The following BEGAIN variants were observed in gnomAD, a reference collection of about 807,000 sequenced individuals.
BEGAIN encodes the protein brain-enriched guanylate kinase-associated protein.
A neutral mutation model predicts 35.8 loss-of-function variants in BEGAIN; 19 were observed. That is an observed-to-expected ratio of 0.53 (90% CI 0.37 to 0.78). The LOEUF is 0.78. BEGAIN is among the 30% of genes least tolerant of loss of function. BEGAIN has a pLI of 0.00. For missense variants in BEGAIN, 795 were observed against 853.6 expected (o/e 0.93, Z 0.85); for synonymous variants, 462 against 388.6 (o/e 1.19, Z -2.22).
intron 5 of BEGAIN, among the ~76,000 whole-genome samples, chr14:100,541,987 A>G (rs992700562): frequency 2.0e-5 from 3 of 152,212 alleles, no homozygotes; most frequent in Non-Finnish European, 4.4e-5. Flanking sequence ...CACCTGGGTC[A>G]CCTGGGAAAC....
intron 1 of BEGAIN, among the ~76,000 whole-genome samples, chr14:100,570,886 C>A (rs1319958422): frequency 6.6e-6 from 1 of 152,204 alleles, no homozygotes; most frequent in Admixed American, 6.5e-5. Flanking sequence ...GCTCAAGTCC[C>A]CTGAGGTTAG....
Position 100,584,388 on chromosome 14 carries a change from G to C in BEGAIN, c.42+2861C>G, listed in dbSNP as rs184534450. Among the ~76,000 whole-genome samples, 626 of 152,310 alleles carry C rather than the reference G, an allele frequency of 4.1e-3. 6 individuals are homozygous for C. Among genetic ancestry groups the C allele is most frequent in the African/African-American group, 0.014 (597 of 41,564 alleles). ...CTTTTGAGTTCCCTTCCTGGCTAGA[G>C]GGGAGAGAAGAGCCCCAGCAGCTCC... On this transcript the variant is annotated intron_variant, in intron 1 of 6. Transcript: ENST00000554140.
chr14:100,578,103 G>T (rs925792832), intron 1 of BEGAIN, among the ~76,000 whole-genome samples: 12 of 152,230 alleles, frequency 7.9e-5, no homozygotes, highest in African/African-American at 2.7e-4. Flanking sequence ...CCTGCCCATT[G>T]ATCCAGTGGC....
chr14:100,550,137 A>T (rs2033037072), intron 2 of BEGAIN, among the ~76,000 whole-genome samples: 1 of 152,082 alleles, frequency 6.6e-6, no homozygotes, highest in Non-Finnish European at 1.5e-5. Flanking sequence ...GACTGGGGTG[A>T]GTGCCCAGCT....
In BEGAIN at chr14:100,538,762, C is replaced by A; in HGVS notation, c.1046G>T (p.Arg349Leu). 3 of 1,582,644 alleles carry A rather than the reference C, an allele frequency of 1.9e-6. No individual in the cohort carries two copies. Among genetic ancestry groups the A allele is most frequent in the Non-Finnish European group, 2.6e-6 (3 of 1,165,684 alleles). The change falls in exon 7 of 7, where the codon CGC becomes CTC. Residue 349 changes from arginine to leucine, a missense_variant. Coordinates refer to ENST00000554140, the MANE Select transcript of BEGAIN (RefSeq NM_001385089.1). The stretch of plus-strand genomic sequence containing the variant: ...TGGCTTGCGGTCGAAGAGCTCGTCG[C>A]GGCTGTTCAGGTAGATGGCCTGCTG... ...ASQQAIYLNS[R>L]DELFDRKPPA...
chr14:100,550,753 G>A (rs1456055523), intron 2 of BEGAIN, among the ~76,000 whole-genome samples: 1 of 152,212 alleles, frequency 6.6e-6, no homozygotes, highest in South Asian at 2.1e-4. Flanking sequence ...CACTCTGAAG[G>A]GTCCCAGCTC....
chr14:100,562,116 C>T (rs2034309249), intron 2 of BEGAIN, among the ~76,000 whole-genome samples: 1 of 152,082 alleles, frequency 6.6e-6, no homozygotes, highest in African/African-American at 2.4e-5. Flanking sequence ...TGAAGGATCA[C>T]ACTCCGGGAG....
At position 100,553,477 on chromosome 14, in the gene BEGAIN, T is replaced by C. The variant is rs527587283; in HGVS notation, c.72-6815A>G. On this transcript the variant is annotated intron_variant, in intron 2 of 6. Coordinates refer to ENST00000554140, the MANE Select transcript of BEGAIN (RefSeq NM_001385089.1). The stretch of plus-strand genomic sequence containing the variant: ...ACAGGACATTTTGCCTCAAGCCAGA[T>C]AGGCCTGATGCCTCTTCTCGCCCCT... Among the ~76,000 whole-genome samples, 5 of 152,270 alleles carry C rather than the reference T, an allele frequency of 3.3e-5. No homozygotes were observed. The South Asian group carries it at 8.3e-4, about 25-fold the overall frequency.
Position 100,537,905 on chromosome 14 carries a change from C to A in BEGAIN, c.*64G>T. 6.5e-7 allele frequency: 1 copy of A among 1,527,588 alleles called. No individual in the cohort carries two copies. The highest frequency in any genetic ancestry group is 8.8e-7 in the Non-Finnish European group (1 of 1,137,254). The allele number at this position is 1,527,588 out of a possible 1,614,324, so 94.6% of individuals were successfully genotyped here. A position where few individuals can be genotyped will look rare whatever the true frequency, so the allele number is the denominator to read the frequency against. Reference sequence around the variant, plus strand: ...CAGCGGGGGCTGGGGAGAGGTGAGGCCGGCCCTTCTGGGGCACGTGGGCTG... The same window carrying A: ...CAGCGGGGGCTGGGGAGAGGTGAGGACGGCCCTTCTGGGGCACGTGGGCTG... On this transcript the variant is annotated 3_prime_UTR_variant, in exon 7 of 7. Transcript: ENST00000554140.
chr14:100,545,708 G>A (rs191806594), intron 3 of BEGAIN, among the ~76,000 whole-genome samples: 122 of 152,254 alleles, frequency 8.0e-4, no homozygotes, highest in Non-Finnish European at 1.5e-3. Context: ...GCAGTAACTG[G>A]CAGGGCCCAG....
In BEGAIN at chr14:100,538,454, C is replaced by T. The variant is rs763560535; in HGVS notation, c.1354G>A (p.Val452Met). ...GGTGAGGCGCGGCCGGCAGCGCTCA[C>T]GGGGTAGGAGTAGGCGCCGATGTCC... ...VEDIGAYSYP[V>M]SAAGRASPCS... is the part of the protein sequence containing the mutation. Residue 452 changes from valine (V) to methionine (M), a missense_variant, in exon 7 of 7, where the codon GTG (valine) becomes ATG (methionine). Transcript: ENST00000554140. The T allele has an allele frequency of 1.1e-5, 17 of 1,589,252 alleles. No individual in the cohort carries two copies. The East Asian group carries it at 2.5e-4, about 23-fold the overall frequency.
intron 3 of BEGAIN, chr14:100,545,357 GT>G (rs1384559110): frequency 7.9e-7 from 1 of 1,267,196 alleles, no homozygotes; most frequent in Non-Finnish European, 1.0e-6. Flanking sequence ...AAGAGACTCT[GT>G]CCCATCCACA....
rs1159620577 is a variant in BEGAIN at position 100,558,724 on chromosome 14, T to G, written c.71+9187A>C. Among the ~76,000 whole-genome samples, 2 of 152,194 alleles carry G rather than the reference T, an allele frequency of 1.3e-5. No homozygotes were observed. Among genetic ancestry groups the G allele is most frequent in the African/African-American group, 4.8e-5 (2 of 41,448 alleles). On this transcript the variant is annotated intron_variant, in intron 2 of 6. Coordinates refer to ENST00000554140, the MANE Select transcript of BEGAIN (RefSeq NM_001385089.1). This position sits in a 1 kb window ranked among gnomAD's most constrained non-coding sequence, Gnocchi z 4.6. ...GACTCCTCTCTTTCTCTCCCCATCC[T>G]TCCCAGGGTATACCAGGAGCCTCAC...
chr14:100,583,755 G>A (rs1180047000), intron 1 of BEGAIN, among the ~76,000 whole-genome samples: 1 of 126,596 alleles, frequency 7.9e-6, no homozygotes, highest in Admixed American at 9.2e-5. Context: ...GTAGTGGCAC[G>A]ATCTCGGCTC....
chr14:100,538,549 C>A lies in BEGAIN; in HGVS notation c.1259G>T (p.Arg420Leu). 1 of 1,518,958 alleles carries A rather than the reference C, an allele frequency of 6.6e-7. No individual in the cohort carries two copies. Among genetic ancestry groups the A allele is most frequent in the Non-Finnish European group, 8.8e-7 (1 of 1,134,676 alleles). The allele number at this position is 1,518,958 out of a possible 1,614,324, so 94.1% of individuals were successfully genotyped here. A position where few individuals can be genotyped will look rare whatever the true frequency, so the allele number is the denominator to read the frequency against. The change falls in exon 7 of 7, where the codon CGG becomes CTG. Residue 420 changes from arginine (R) to leucine (L), a missense_variant. Around this residue, in one of 3 missense-constraint regions of BEGAIN, gnomAD observed 664 missense variants for 647.7 expected, o/e 1.03. Coordinates refer to ENST00000554140, the MANE Select transcript of BEGAIN (RefSeq NM_001385089.1). ...ALMPPNLWSL[R>L]AKPGTARLPG... ...GAGCCGGGCGGTCCCCGGCTTGGCC[C>A]GCAGGCTCCACAGGTTTGGGGGCAT... is the stretch of plus-strand genomic sequence containing the variant.
intron 1 of BEGAIN, among the ~76,000 whole-genome samples, chr14:100,571,824 G>A (rs552226973): frequency 6.6e-6 from 1 of 152,174 alleles, no homozygotes; most frequent in Non-Finnish European, 1.5e-5. Flanking sequence ...CCCTGTCTTA[G>A]GGCCTTTGCA....
intron 1 of BEGAIN, chr14:100,569,168 G>C (rs1038032285): frequency 2.6e-5 from 4 of 153,888 alleles, no homozygotes; most frequent in Non-Finnish European, 5.7e-5. Flanking sequence ...GGGGAAGGGG[G>C]AGGCAGCTGG....
chr14:100,565,121 G>A (rs1304156776), intron 2 of BEGAIN, among the ~76,000 whole-genome samples: 3 of 152,208 alleles, frequency 2.0e-5, no homozygotes, highest in East Asian at 1.9e-4. Context: ...CTCTGTCCCC[G>A]GCACTGGAGG....
chr14:100,560,033 C>T (rs565616242), intron 2 of BEGAIN, among the ~76,000 whole-genome samples: 95 of 152,314 alleles, frequency 6.2e-4, no homozygotes, highest in East Asian at 1.7e-3. Flanking sequence ...GCACCAGCCG[C>T]GGGGGGCTGA....
Sources: allele counts gnomAD v4.1 joint callset (sites outside exome capture counted in the v4.1 genomes callset), GRCh38; gene constraint gnomAD v4.1.1; regional missense constraint gnomAD v4.1.1; non-coding constraint Gnocchi (gnomAD v3.1); transcripts MANE v1.5; gene names NCBI Gene and HGNC (gene_info 2026-07-23, HGNC 2026-07-21).